The following OTOGL variants were observed in gnomAD, a reference collection of about 807,000 sequenced individuals.
OTOGL encodes otogelin like.
OTOGL carries 285 observed loss-of-function variants against 318.5 expected under a neutral mutation model. The observed-to-expected ratio is 0.89, with a 90% CI of 0.81 to 0.99. OTOGL has a LOEUF of 0.99. Among genes scored for constraint, OTOGL ranks in the 50% least tolerant of loss-of-function variants. OTOGL has a pLI of 0.00. For synonymous variants in OTOGL, 987 were observed against 936.5 expected (o/e 1.05, Z -0.99); for missense variants, 2,899 against 2,845.6 (o/e 1.02, Z -0.43).
chr12:80,354,499 G>T (rs1055131695), intron 46 of OTOGL, among the ~76,000 whole-genome samples: 1 of 152,288 alleles, frequency 6.6e-6, no homozygotes, highest in East Asian at 1.9e-4. Flanking sequence ...TTATTTTGAT[G>T]CATTGTCTCC....
At chr12:80,315,802 T>C (rs541708711) in intron 32 of OTOGL, among the ~76,000 whole-genome samples, 102 of 152,294 alleles carry the variant, frequency 6.7e-4, no homozygotes, top group African/African-American at 2.2e-3. Flanking sequence ...CATTAAAAAA[T>C]ATCTGTGGTA....
In OTOGL at chr12:80,339,099, C is replaced by A. The variant is rs766499540; in HGVS notation, c.4885C>A (p.Pro1629Thr). 3 of 1,609,108 alleles carry A rather than the reference C, an allele frequency of 1.9e-6. No homozygotes were observed. Among genetic ancestry groups the A allele is most frequent in the Non-Finnish European group, 1.7e-6 (2 of 1,176,354 alleles). ...GGTAGAAGTGGATTCCATTGTTGTG[C>A]CTTTGCCCTTTTCAAGTCAGGAACT... ...RKVEVDSIVVPLPFSSQELSI... is the reference protein window; with the variant it reads ...RKVEVDSIVVTLPFSSQELSI... Residue 1629 changes from proline (P) to threonine (T), a missense_variant, in exon 43 of 59, where the codon CCT (proline) becomes ACT (threonine). Coordinates refer to ENST00000547103, the MANE Select transcript of OTOGL (RefSeq NM_001378609.3).
intron 1 of OTOGL, among the ~76,000 whole-genome samples, chr12:80,207,268 C>A (rs906229229): frequency 3.3e-5 from 5 of 152,212 alleles, no homozygotes; most frequent in African/African-American, 4.8e-5. Context: ...ATGGCACGAT[C>A]TCTGCTCACC....
intron 1 of OTOGL, among the ~76,000 whole-genome samples, chr12:80,129,333 A>G (rs530463080): frequency 3.3e-5 from 5 of 152,232 alleles, no homozygotes; most frequent in African/African-American, 1.2e-4. Context: ...AAAGGTGTGA[A>G]TAAGACTTGT....
chr12:80,337,062 A>C, intron 42 of OTOGL, 58 bp downstream of exon 42: 1 of 1,277,408 alleles, frequency 7.8e-7, no homozygotes. Flanking sequence ...TTATACAAAC[A>C]GTTATTTCCA....
chr12:80,102,239 A>T (rs532302107), intron 1 of OTOGL, among the ~76,000 whole-genome samples: 1 of 152,218 alleles, frequency 6.6e-6, no homozygotes, highest in Non-Finnish European at 1.5e-5. Context: ...ACGATCTATC[A>T]ATCAGCTTAT....
chr12:80,340,097 T>C (rs1429935127), intron 43 of OTOGL, among the ~76,000 whole-genome samples: 3 of 152,284 alleles, frequency 2.0e-5, no homozygotes, highest in Non-Finnish European at 4.4e-5. Context: ...AGTCAATAAA[T>C]GTTGGTTTAG....
chr12:80,367,822 T>A, intron 54 of OTOGL, 83 bp downstream of exon 54: 8 of 899,844 alleles, frequency 8.9e-6, no homozygotes, highest in Non-Finnish European at 1.2e-5. Context: ...TGGTGAATAC[T>A]CCATTAGTTT....
intron 1 of OTOGL, among the ~76,000 whole-genome samples, chr12:80,127,356 G>T (rs1426948772): frequency 1.3e-5 from 2 of 152,170 alleles, no homozygotes; most frequent in Non-Finnish European, 2.9e-5. Context: ...CTTTAAGAAT[G>T]TTGAATATTG....
rs1280466701 is a variant in OTOGL at position 80,302,761 on chromosome 12, T to TAAA, written c.3191_3192insAAA (p.Ile1064_Lys1065insAsn). 27 of 1,519,140 alleles carry TAAA rather than the reference T, an allele frequency of 1.8e-5. No individual in the cohort carries two copies. Among genetic ancestry groups the TAAA allele is most frequent in the Non-Finnish European group, 2.3e-5 (26 of 1,139,104 alleles). The allele number at this position is 1,519,140 out of a possible 1,614,324, so 94.1% of individuals were successfully genotyped here. ...TGGGATAGGAAGACAACTATTCATA[T>TAAA]CAAAGTTGGGCCACAGTGGAAGGTA... On this transcript the variant is annotated inframe_insertion, in exon 28 of 59. Transcript: ENST00000547103.
intron 30 of OTOGL, among the ~76,000 whole-genome samples, chr12:80,312,347 G>A (rs1273062592): frequency 1.3e-5 from 2 of 152,162 alleles, no homozygotes; most frequent in African/African-American, 2.4e-5. Context: ...TTGCAAAAAT[G>A]TAAAACAGTG....
At chr12:80,223,858 A>G (rs1254713834) in intron 7 of OTOGL, among the ~76,000 whole-genome samples, 1 of 151,824 alleles carries the variant, frequency 6.6e-6, no homozygotes, top group African/African-American at 2.4e-5. Flanking sequence ...GATTGCAAAG[A>G]TTTTCTTCCA....
chr12:80,313,485 A>G lies in OTOGL; in HGVS notation c.3460A>G (p.Thr1154Ala), dbSNP rs773115156. ...TCACCTCATTTTTCAGATTGACGTT[A>G]CTTCTTTTGCCAAAAATTGTCATGA... ...FASCRNVIDV[T>A]SFAKNCHEDT... Residue 1154 changes from threonine to alanine, a missense_variant, in exon 31 of 59, where the codon ACT becomes GCT. Transcript: ENST00000547103. The G allele has an allele frequency of 1.2e-5, 20 of 1,609,020 alleles. No homozygotes were observed. Among genetic ancestry groups the G allele is most frequent in the Admixed American group, 1.7e-5 (1 of 59,920 alleles).
rs950629759 is a variant in OTOGL, at chr12:80,227,963, A to G, written c.490-1294A>G. 7.9e-5 allele frequency among the ~76,000 whole-genome samples: 12 copies of G among 152,224 alleles called. 1 individual carries two copies. In the South Asian group the frequency reaches 1.9e-3, roughly 24 times the overall value. ...GTATATATTTTAGCTTCACATAGCT[A>G]TATTTTCTATTAGCCGTTTTCCTCT... On this transcript the variant is annotated intron_variant, in intron 7 of 58. Transcript: ENST00000547103.
chr12:80,310,238 C>G (rs1184342233), intron 29 of OTOGL, among the ~76,000 whole-genome samples: 1 of 152,082 alleles, frequency 6.6e-6, no homozygotes, highest in Non-Finnish European at 1.5e-5. Context: ...GGAATTGAGT[C>G]TGCAGAGACT....
chr12:80,372,887 G>C (rs1566023735), intron 57 of OTOGL, among the ~76,000 whole-genome samples: 2 of 151,920 alleles, frequency 1.3e-5, no homozygotes, highest in Admixed American at 6.6e-5. Context: ...TGGGGTTTCA[G>C]TGTTGGCCAG....
intron 24 of OTOGL, among the ~76,000 whole-genome samples, chr12:80,274,099 A>C (rs1883617936): frequency 1.3e-5 from 2 of 152,080 alleles, no homozygotes; most frequent in Admixed American, 1.3e-4. Flanking sequence ...AATAGTCACC[A>C]AAAGTTCAAG....
At chr12:80,113,541 T>C (rs940054692) in intron 1 of OTOGL, among the ~76,000 whole-genome samples, 3 of 152,190 alleles carry the variant, frequency 2.0e-5, no homozygotes, top group African/African-American at 7.2e-5. Context: ...GGTTGTTCAG[T>C]TTCCATGTAA....
At chr12:80,214,697 C>T (rs960698934) in intron 4 of OTOGL, among the ~76,000 whole-genome samples, 1 of 152,034 alleles carries the variant, frequency 6.6e-6, no homozygotes, top group African/African-American at 2.4e-5. Flanking sequence ...ATACCAAGGA[C>T]AGTGAGATAT....
Sources: allele counts gnomAD v4.1 joint callset (sites outside exome capture counted in the v4.1 genomes callset), GRCh38; gene constraint gnomAD v4.1.1; transcripts MANE v1.5; gene names NCBI Gene and HGNC (gene_info 2026-07-23, HGNC 2026-07-21).